VAV3: variants seen among roughly 807,000 people sequenced by gnomAD.
The protein encoded by VAV3 is vav guanine nucleotide exchange factor 3, also known as guanine nucleotide exchange factor VAV3.
In VAV3, 94 loss-of-function variants were observed where a neutral mutation model predicts 131.2. That is an observed-to-expected ratio of 0.72 (90% CI 0.61 to 0.85). The LOEUF (loss-of-function observed/expected upper bound fraction) is 0.85. Among genes scored for constraint, VAV3 ranks in the 40% least tolerant of loss-of-function variants. The pLI is 0.00. For synonymous variants in VAV3, 349 were observed against 342.0 expected, an observed-to-expected ratio of 1.02 and a Z score of -0.22; for missense variants, 939 against 1,002.7, an observed-to-expected ratio of 0.94 and a Z score of 0.86.
chr1:107,690,780 G>A, intron 17 of VAV3, among the ~76,000 whole-genome samples: 1 of 152,076 alleles, frequency 6.6e-6, no homozygotes, highest in East Asian at 1.9e-4. Context: ...TCCTTTAGTA[G>A]GGCTTCCCCT....
Position 107,614,424 on chromosome 1 carries a change from A to AT in VAV3, c.1980+3142dup, listed in dbSNP as rs552144392. 2.8e-3 allele frequency among the ~76,000 whole-genome samples: 429 copies of AT among 151,968 alleles called. 2 individuals carry two copies. Among genetic ancestry groups the AT allele is most frequent in the African/African-American group, 1.0e-2 (414 of 41,464 alleles). ...ACCATTTTCTAAACTCCCTCAATCT[A>AT]TCCCCTCCTCTTCAAATTCCCCTCT... On this transcript the variant is annotated intron_variant, in intron 21 of 26. Transcript: ENST00000370056.
chr1:107,819,923 C>T (rs1189535940), intron 2 of VAV3, among the ~76,000 whole-genome samples: 2 of 152,060 alleles, frequency 1.3e-5, no homozygotes, highest in African/African-American at 2.4e-5. Flanking sequence ...ATCTCTACCC[C>T]GTTAAAATGG....
intron 15 of VAV3, among the ~76,000 whole-genome samples, chr1:107,723,259 C>A (rs975691474): frequency 6.6e-6 from 1 of 152,112 alleles, no homozygotes; most frequent in Non-Finnish European, 1.5e-5. Context: ...CCTGTCCTCC[C>A]AGCCACAAGC....
chr1:107,764,698 C>G (rs986585867), intron 9 of VAV3, among the ~76,000 whole-genome samples: 1 of 152,250 alleles, frequency 6.6e-6, no homozygotes, highest in East Asian at 1.9e-4. Flanking sequence ...AACTAGTAAA[C>G]ATTTTAAATC....
intron 15 of VAV3, among the ~76,000 whole-genome samples, chr1:107,717,383 A>C (rs1480958136): frequency 6.6e-6 from 1 of 152,220 alleles, no homozygotes; most frequent in Non-Finnish European, 1.5e-5. Context: ...TTAGTGCTAT[A>C]AATTTCCCTC....
At chr1:107,749,113 C>A in intron 14 of VAV3, 36 bp from the exon 15 acceptor site, 1 of 1,349,606 alleles carries the variant, frequency 7.4e-7, no homozygotes, top group Non-Finnish European at 1.0e-6. Flanking sequence ...TAATATGTAT[C>A]ATTAATAACA....
In VAV3 at chr1:107,779,452, G is replaced by A. The variant is rs371203483; in HGVS notation, c.362C>T (p.Ala121Val). Residue 121 changes from alanine (A) to valine (V), a missense_variant, in exon 3 of 27, where the codon GCA becomes GTA. Transcript: ENST00000370056. ...AGCTTACCTGATTCCTGTGGCCAATGCTATAGGTGTTCGAGAAAGTCGTGA... is the reference window on the plus strand; with the variant it reads ...AGCTTACCTGATTCCTGTGGCCAATACTATAGGTGTTCGAGAAAGTCGTGA... Reference protein sequence around the residue: ...TLSRLSRTPIALATGIRPFPT... With the variant: ...TLSRLSRTPIVLATGIRPFPT... The A allele has an allele frequency of 6.3e-7, 1 of 1,592,056 alleles. No individual in the cohort carries two copies. The highest frequency in any genetic ancestry group is 1.4e-5 in the African/African-American group (1 of 74,006).
At chr1:107,924,467 A>C (rs978432408) in intron 1 of VAV3, among the ~76,000 whole-genome samples, 2 of 152,092 alleles carry the variant, frequency 1.3e-5, no homozygotes, top group African/African-American at 4.8e-5. Flanking sequence ...CAGGGCTTTA[A>C]TGACATAGAA....
chr1:107,626,498 C>CT (rs1557713916), intron 20 of VAV3, among the ~76,000 whole-genome samples: 1 of 152,098 alleles, frequency 6.6e-6, no homozygotes, highest in Non-Finnish European at 1.5e-5. Flanking sequence ...GCCGACTGAG[C>CT]CTCTACACTT....
chr1:107,580,670 TC>T (rs1649979359), intron 25 of VAV3, among the ~76,000 whole-genome samples: 2 of 152,192 alleles, frequency 1.3e-5, no homozygotes, highest in African/African-American at 4.8e-5. Context: ...GGTCCTTAAT[TC>T]CTTTGAGCTG....
intron 2 of VAV3, among the ~76,000 whole-genome samples, chr1:107,866,958 A>G (rs953982529): frequency 6.6e-6 from 1 of 152,074 alleles, no homozygotes; most frequent in Non-Finnish European, 1.5e-5. Context: ...TTTATACATA[A>G]TGAGTTTGAA....
intron 2 of VAV3, among the ~76,000 whole-genome samples, chr1:107,795,032 C>T (rs1666469447): frequency 1.3e-5 from 2 of 152,162 alleles, no homozygotes; most frequent in African/African-American, 4.8e-5. Flanking sequence ...ATATAGTTTA[C>T]TTGACAAAAA....
intron 22 of VAV3, among the ~76,000 whole-genome samples, chr1:107,604,548 AG>A (rs1267518695): frequency 2.0e-5 from 3 of 152,150 alleles, no homozygotes; most frequent in Non-Finnish European, 4.4e-5. Flanking sequence ...TTTTGCGCTT[AG>A]GGTCTTCTCA....
chr1:107,772,605 T>C (rs2102191447), intron 5 of VAV3, 130 bp downstream of exon 5: 1 of 688,596 alleles, frequency 1.5e-6, no homozygotes, highest in East Asian at 2.8e-5. Context: ...CAGTAACAAG[T>C]CATAATTATA....
At chr1:107,884,391 TTAAAAA>T (rs1670926523) in intron 1 of VAV3, among the ~76,000 whole-genome samples, 2 of 143,736 alleles carry the variant, frequency 1.4e-5, no homozygotes, top group African/African-American at 5.1e-5. Context: ...ACCCCCAAAA[TTAAAAA>T]TAAATTATTT....
intron 6 of VAV3, among the ~76,000 whole-genome samples, chr1:107,770,384 G>A (rs1664973090): frequency 6.6e-6 from 1 of 151,700 alleles, no homozygotes; most frequent in Admixed American, 6.6e-5. Context: ...TCCTCCCATG[G>A]GAAAAAGTGT....
intron 2 of VAV3, among the ~76,000 whole-genome samples, chr1:107,837,517 A>G (rs1668528438): frequency 6.6e-6 from 1 of 152,148 alleles, no homozygotes; most frequent in Non-Finnish European, 1.5e-5. Context: ...GTCATTTTTC[A>G]CAGAATTAGA....
intron 2 of VAV3, among the ~76,000 whole-genome samples, chr1:107,836,636 G>C (rs1396294727): frequency 1.3e-5 from 2 of 151,972 alleles, no homozygotes; most frequent in African/African-American, 2.4e-5. Flanking sequence ...AACAAAAGTT[G>C]GTTCTTTGAA....
chr1:107,622,029 T>G (rs1361740794), intron 20 of VAV3, among the ~76,000 whole-genome samples: 1 of 152,178 alleles, frequency 6.6e-6, no homozygotes, highest in African/African-American at 2.4e-5. Context: ...TTTCATTCAA[T>G]TATCTGGAGC....
Sources: gnomAD v4.1 joint callset for allele counts (sites outside exome capture counted in the v4.1 genomes callset) on GRCh38, gnomAD v4.1.1 for gene constraint, MANE v1.5 for transcripts, NCBI Gene and HGNC (gene_info 2026-07-23, HGNC 2026-07-21) for gene names.